The following BANK1 variants were observed in gnomAD, a reference collection of about 807,000 sequenced individuals.
BANK1 encodes the protein B cell scaffold protein with ankyrin repeats 1.
A neutral mutation model predicts 94.5 loss-of-function variants in BANK1; 95 were observed. The ratio of observed to expected loss-of-function variants is 1.00; its 90% confidence interval spans 0.85 to 1.19. The LOEUF (loss-of-function observed/expected upper bound fraction) is 1.19, where lower values mean the gene tolerates loss of function less well. Ranked by LOEUF, BANK1 falls within the 50% of genes most tolerant of loss-of-function variation. BANK1 has a pLI of 0.00. For synonymous variants in BANK1, 334 were observed against 308.4 expected (o/e 1.08, Z -0.87); for missense variants, 987 against 932.2 (o/e 1.06, Z -0.77).
intron 11 of BANK1, among the ~76,000 whole-genome samples, chr4:102,055,628 C>T (rs1482214392): frequency 6.6e-6 from 1 of 151,974 alleles, no homozygotes; most frequent in Non-Finnish European, 1.5e-5. Flanking sequence ...ATTATTTTAA[C>T]TAGCTGGATA....
At chr4:101,924,276 G>C (rs1723086619) in intron 7 of BANK1, among the ~76,000 whole-genome samples, 1 of 151,742 alleles carries the variant, frequency 6.6e-6, no homozygotes, top group African/African-American at 2.4e-5. Context: ...CTTTCTCCCA[G>C]AAATCATGTT....
intron 7 of BANK1, among the ~76,000 whole-genome samples, chr4:101,952,020 T>C (rs1390317401): frequency 6.6e-6 from 1 of 152,082 alleles, no homozygotes; most frequent in Non-Finnish European, 1.5e-5. Context: ...TGATTTTAAG[T>C]AACTATCTGG....
chr4:101,866,856 TC>T (rs1728092780), intron 4 of BANK1, among the ~76,000 whole-genome samples: 1 of 78,372 alleles, frequency 1.3e-5, no homozygotes, highest in Non-Finnish European at 2.4e-5. Flanking sequence ...TGAGTTCATA[TC>T]CTTTGTAGGG....
rs1726973162 is a variant in BANK1 at position 101,839,943 on chromosome 4, T to TA, written c.469+9737_469+9738insA. Reference sequence around the variant, plus strand: ...ATATAATTTCAAATATTTAATTTTTTTTTTTTTTTTTTTTTTTTTTTTTTT... The same window carrying TA: ...ATATAATTTCAAATATTTAATTTTTTATTTTTTTTTTTTTTTTTTTTTTTTT... On this transcript the variant is annotated intron_variant, in intron 2 of 16. Coordinates refer to ENST00000322953, the MANE Select transcript of BANK1 (RefSeq NM_017935.5). 3.3e-3 allele frequency among the ~76,000 whole-genome samples: 49 copies of TA among 14,696 alleles called. 3 individuals carry two copies. Among genetic ancestry groups the TA allele is most frequent in the African/African-American group, 0.015 (47 of 3,190 alleles). 9.6% of individuals were successfully genotyped at this position (14,696 alleles called of 152,430 possible).
rs1000373192 is a variant in BANK1, at chr4:102,058,809, TA to T, written c.1970-1392del. On this transcript the variant is annotated intron_variant, in intron 11 of 16. Transcript: ENST00000322953. ...ATGGAAATGGTGAGAAGGGAAAAAG[TA>T]AAAAAAAAATAATAATAATAAAAAT... Among the ~76,000 whole-genome samples the T allele has an allele frequency of 2.6e-3, 372 of 144,716 alleles. 2 individuals are homozygous for T. Among genetic ancestry groups the T allele is most frequent in the East Asian group, 9.0e-3 (45 of 4,990 alleles). The allele number at this position is 144,716 out of a possible 152,430, so 94.9% of individuals were successfully genotyped here.
At chr4:101,862,294 A>G (rs1273414505) in intron 3 of BANK1, among the ~76,000 whole-genome samples, 1 of 152,124 alleles carries the variant, frequency 6.6e-6, no homozygotes, top group African/African-American at 2.4e-5. Flanking sequence ...GTTGCAAAAT[A>G]TGGCATTAGA....
chr4:101,903,923 C>T (rs1722361751), intron 6 of BANK1, among the ~76,000 whole-genome samples: 3 of 152,144 alleles, frequency 2.0e-5, no homozygotes, highest in African/African-American at 7.2e-5. Flanking sequence ...GTGACCAAAA[C>T]ATTGGAGTAA....
intron 5 of BANK1, among the ~76,000 whole-genome samples, chr4:101,885,616 A>G (rs1728822395): frequency 6.6e-6 from 1 of 152,180 alleles, no homozygotes; most frequent in Admixed American, 6.5e-5. Flanking sequence ...TCTCTTTGTA[A>G]AACTGATCAC....
chr4:101,812,005 CAT>C (rs1725745202), intron 1 of BANK1, among the ~76,000 whole-genome samples: 1 of 151,756 alleles, frequency 6.6e-6, no homozygotes, highest in Admixed American at 6.6e-5. Flanking sequence ...ATTACATAAA[CAT>C]ATAAACAAAA....
At chr4:101,922,940 A>G (rs78066328) in intron 7 of BANK1, among the ~76,000 whole-genome samples, 3,923 of 151,956 alleles carry the variant, frequency 0.026, 183 homozygotes, top group African/African-American at 0.091. Flanking sequence ...CTGCAGCTCT[A>G]AACATGCTAT....
At chr4:102,052,157 T>C (rs7685506) in intron 11 of BANK1, among the ~76,000 whole-genome samples, 95,427 of 144,978 alleles carry the variant, frequency 0.66, 32,312 homozygotes, top group African/African-American at 0.8. Flanking sequence ...CTCGCTCTGT[T>C]GCCAGGCTGG....
In BANK1 at chr4:101,829,098, G is replaced by A. The variant is rs1200371005; in HGVS notation, c.71-710G>A. Reference sequence around the variant, plus strand: ...AGAATGGTCTCGATCTCCTGACCTCGTGATCAGCCCGCCTCAGCCTCCCAA... The same window carrying A: ...AGAATGGTCTCGATCTCCTGACCTCATGATCAGCCCGCCTCAGCCTCCCAA... On this transcript the variant is annotated intron_variant, in intron 1 of 16. Transcript: ENST00000322953. Among the ~76,000 whole-genome samples the A allele has an allele frequency of 9.2e-5, 14 of 152,074 alleles. No homozygotes were observed. The East Asian group carries it at 2.3e-3, about 25-fold the overall frequency.
intron 1 of BANK1, among the ~76,000 whole-genome samples, chr4:101,826,905 A>G (rs2148862037): frequency 6.6e-6 from 1 of 152,124 alleles, no homozygotes; most frequent in Non-Finnish European, 1.5e-5. Flanking sequence ...AAAGACAGAA[A>G]TACATAAACC....
chr4:101,986,991 C>T (rs567080503), intron 7 of BANK1, among the ~76,000 whole-genome samples: 2 of 31,786 alleles, frequency 6.3e-5, no homozygotes, highest in South Asian at 1.7e-3. Context: ...CTAGAAAGAA[C>T]AAAAGAAAAA....
chr4:101,931,935 G>T (rs1484293750), intron 7 of BANK1, among the ~76,000 whole-genome samples: 1 of 151,380 alleles, frequency 6.6e-6, no homozygotes, highest in Non-Finnish European at 1.5e-5. Context: ...AACAATTCAG[G>T]AGTAACTAAC....
rs184424184 is a variant in BANK1 at position 101,938,802 on chromosome 4, C to T, written c.1206+20613C>T. ...GTGAATATATGTTCTCTGTTCATAT[C>T]CCCATATTTTATAAAAATTATACAA... On this transcript the variant is annotated intron_variant, in intron 7 of 16. Transcript: ENST00000322953. Among the ~76,000 whole-genome samples, 38 of 151,678 alleles carry T rather than the reference C, an allele frequency of 2.5e-4. 1 individual carries two copies. The East Asian group carries it at 6.3e-3, about 25-fold the overall frequency.
At chr4:101,932,259 A>G (rs1399999827) in intron 7 of BANK1, among the ~76,000 whole-genome samples, 3 of 151,520 alleles carry the variant, frequency 2.0e-5, no homozygotes, top group Non-Finnish European at 4.4e-5. Flanking sequence ...CCTAGAATTC[A>G]ACTGTTTCCT....
rs755789312 is a variant in BANK1 at position 101,790,936 on chromosome 4, G to GCCCAGCGC, written c.60_67dup (p.Pro23GlnfsTer10). 1 of 1,525,984 alleles carries GCCCAGCGC rather than the reference G, an allele frequency of 6.6e-7. No individual in the cohort carries two copies. Among genetic ancestry groups the GCCCAGCGC allele is most frequent in the East Asian group, 2.5e-5 (1 of 40,740 alleles). 94.5% of individuals were successfully genotyped at this position (1,525,984 alleles called of 1,614,324 possible). On this transcript the variant is annotated frameshift_variant, in exon 1 of 17. Coordinates refer to ENST00000322953, the MANE Select transcript of BANK1 (RefSeq NM_017935.5). LOFTEE classifies it high-confidence loss of function. ...GGGAGCCCGGACCCCGCCCCCTGCG[G>GCCCAGCGC]CCCAGCGCCCCCAGGTGGGTAGTCG... is the stretch of plus-strand genomic sequence containing the variant.
intron 1 of BANK1, among the ~76,000 whole-genome samples, chr4:101,816,918 G>A (rs1423810909): frequency 6.6e-6 from 1 of 152,132 alleles, no homozygotes; most frequent in Non-Finnish European, 1.5e-5. Flanking sequence ...GTCAACGGAA[G>A]AATAAGGAAT....
Sources: allele counts gnomAD v4.1 joint callset (sites outside exome capture counted in the v4.1 genomes callset), GRCh38; gene constraint gnomAD v4.1.1; transcripts MANE v1.5; gene names NCBI Gene and HGNC (gene_info 2026-07-23, HGNC 2026-07-21).